Variants in STON2 observed in about 807,000 individuals in gnomAD.
STON2 encodes stonin 2.
In STON2, 29 loss-of-function variants were observed where a neutral mutation model predicts 65.7. The ratio of observed to expected loss-of-function variants is 0.44; its 90% CI spans 0.33 to 0.60. STON2 has a LOEUF of 0.60. Ranked by LOEUF, STON2 falls within the 20% of genes least tolerant of loss-of-function variation. STON2 has a pLI of 0.03. For missense variants in STON2, 1,054 were observed against 1,118.1 expected (o/e 0.94, Z 0.82); for synonymous variants, 404 against 414.2 (o/e 0.98, Z 0.30).
intron 5 of STON2, among the ~76,000 whole-genome samples, chr14:81,318,755 A>G (rs11626709): frequency 0.8 from 121,853 of 151,952 alleles, 49,040 homozygotes; most frequent in Non-Finnish European, 0.82. Flanking sequence ...GGGGTCTGAG[A>G]CACAATACTC....
intron 5 of STON2, among the ~76,000 whole-genome samples, chr14:81,304,955 C>T (rs1326185389): frequency 3.9e-5 from 6 of 152,012 alleles, no homozygotes; most frequent in African/African-American, 1.4e-4. Context: ...CCCTTTGTAC[C>T]CCCTTCCTAT....
At chr14:81,384,585 C>G (rs557401208) in intron 3 of STON2, among the ~76,000 whole-genome samples, 3 of 152,268 alleles carry the variant, frequency 2.0e-5, no homozygotes, top group Non-Finnish European at 2.9e-5. Context: ...TATGAACCCC[C>G]CTCCCTGTCC....
upstream of STON2, among the ~76,000 whole-genome samples, chr14:81,402,766 T>C (rs1016022414): frequency 3.0e-4 from 45 of 152,280 alleles, no homozygotes; most frequent in Middle Eastern, 3.4e-3. Context: ...ACGCAGACAG[T>C]TGCAAGTCTC....
In STON2 at chr14:81,261,781, C is replaced by A; in HGVS notation, c.*6633G>T. ...GGAGACCTGTCTGTGCCTCTTCATGCTCACACCATTGTTCTGATAGATGAT... is the reference window on the plus strand; with the variant it reads ...GGAGACCTGTCTGTGCCTCTTCATGATCACACCATTGTTCTGATAGATGAT... On this transcript the variant is annotated 3_prime_UTR_variant, in exon 8 of 8. Transcript: ENST00000614646. The A allele has an allele frequency of 6.6e-7, 1 of 1,517,220 alleles. No homozygotes were observed. Among genetic ancestry groups the A allele is most frequent in the Non-Finnish European group, 8.8e-7 (1 of 1,141,338 alleles). The allele number at this position is 1,517,220 out of a possible 1,614,324, so 94.0% of individuals were successfully genotyped here. A position where few individuals can be genotyped will look rare whatever the true frequency, so the allele number is the denominator to read the frequency against.
chr14:81,272,417 C>T (rs1290598599), intron 6 of STON2, among the ~76,000 whole-genome samples: 1 of 152,118 alleles, frequency 6.6e-6, no homozygotes, highest in Non-Finnish European at 1.5e-5. Flanking sequence ...ATGACCTTGC[C>T]TTAATTATGT....
intron 5 of STON2, among the ~76,000 whole-genome samples, chr14:81,308,781 CATATAT>C (rs57821672): frequency 5.1e-3 from 47 of 9,158 alleles, no homozygotes; most frequent in Admixed American, 9.9e-3. Context: ...TGGTTTTACC[CATATAT>C]ATATATATAT....
intron 3 of STON2, among the ~76,000 whole-genome samples, chr14:81,389,393 C>A (rs1311833620): frequency 2.0e-5 from 3 of 152,184 alleles, no homozygotes; most frequent in Non-Finnish European, 4.4e-5. Flanking sequence ...AATTCCATTT[C>A]ATTCTTGCGT....
intron 4 of STON2, among the ~76,000 whole-genome samples, chr14:81,362,508 T>G (rs1898539097): frequency 6.6e-6 from 1 of 152,114 alleles, no homozygotes; most frequent in South Asian, 2.1e-4. Flanking sequence ...TAGATGTTGG[T>G]TAAAGGGTAC....
intron 5 of STON2, among the ~76,000 whole-genome samples, chr14:81,296,469 A>G (rs1273335269): frequency 6.6e-6 from 1 of 151,984 alleles, no homozygotes; most frequent in Admixed American, 6.6e-5. Flanking sequence ...GCTGCCCTCC[A>G]CTCTAAAAAT....
At position 81,334,752 on chromosome 14, in the gene STON2, A is replaced by G. The variant is rs562645426; in HGVS notation, c.572-10565T>C. ...AGAAGGGTGACTGGGAAAGAGCAAG[A>G]CAGGGAAAGAGAAATGTCCTATCGT... On this transcript the variant is annotated intron_variant, in intron 4 of 7. Transcript: ENST00000614646. Among the ~76,000 whole-genome samples the G allele has an allele frequency of 2.0e-5, 3 of 152,308 alleles. No homozygotes were observed. The East Asian group carries it at 5.8e-4, about 29-fold the overall frequency.
At chr14:81,319,844 T>A (rs1449817219) in intron 5 of STON2, among the ~76,000 whole-genome samples, 1 of 152,140 alleles carries the variant, frequency 6.6e-6, no homozygotes, top group South Asian at 2.1e-4. Flanking sequence ...AACCCCTCCA[T>A]CCAGTGACTG....
intron 7 of STON2, 49 bp from the exon 8 acceptor site, chr14:81,268,546 C>T: frequency 7.8e-7 from 1 of 1,286,674 alleles, no homozygotes; most frequent in South Asian, 1.2e-5. Flanking sequence ...AGAGAAAAAG[C>T]ATGCAAATAA....
intron 3 of STON2, among the ~76,000 whole-genome samples, chr14:81,372,565 AAAG>A (rs532857835): frequency 1.6e-4 from 18 of 111,500 alleles, no homozygotes; most frequent in Non-Finnish European, 2.7e-4. Flanking sequence ...AAAAAAAAAA[AAAG>A]AAGAAGAAGA....
chr14:81,329,006 T>C (rs890552253), intron 4 of STON2, among the ~76,000 whole-genome samples: 1 of 152,146 alleles, frequency 6.6e-6, no homozygotes, highest in African/African-American at 2.4e-5. Flanking sequence ...TATCCCTCTA[T>C]AGCAACACAA....
chr14:81,388,470 C>G (rs1899928176), intron 3 of STON2, among the ~76,000 whole-genome samples: 1 of 152,124 alleles, frequency 6.6e-6, no homozygotes, highest in African/African-American at 2.4e-5. Flanking sequence ...TAAGTAGCAG[C>G]CAGGTCACTA....
rs1044099857 is a variant in STON2 at position 81,371,281 on chromosome 14, T to C, written c.374-96A>G. 12 of 1,168,564 alleles carry C rather than the reference T, an allele frequency of 1.0e-5. No homozygotes were observed. In the African/African-American group the frequency reaches 1.5e-4, roughly 15 times the overall value. 72.4% of individuals were successfully genotyped at this position (1,168,564 alleles called of 1,614,324 possible). On this transcript the variant is annotated intron_variant, in intron 3 of 7. Transcript: ENST00000614646. ...TTACTTTGATGTTGCTCACATCATA[T>C]GAAATCTCAACAGTCATATGAGGCA... is the stretch of plus-strand genomic sequence containing the variant.
intron 4 of STON2, among the ~76,000 whole-genome samples, chr14:81,363,735 T>C (rs529968812): frequency 9.2e-5 from 14 of 152,320 alleles, no homozygotes; most frequent in Non-Finnish European, 1.5e-4. Flanking sequence ...TTTTAAAAAT[T>C]AGTTAACTTG....
chr14:81,385,938 C>CG, intron 3 of STON2, among the ~76,000 whole-genome samples: 1 of 152,002 alleles, frequency 6.6e-6, no homozygotes, highest in South Asian at 2.1e-4. Flanking sequence ...AGGGTTCTGG[C>CG]CCCCCGCTGC....
chr14:81,262,245 A>T lies in STON2; in HGVS notation c.*6169T>A, dbSNP rs1482553413. The T allele has an allele frequency of 5.1e-6, 5 of 985,290 alleles. No individual in the cohort carries two copies. The highest frequency in any genetic ancestry group is 6.0e-6 in the Non-Finnish European group (5 of 829,930). 61.0% of individuals were successfully genotyped at this position (985,290 alleles called of 1,614,324 possible). ...CTATGTCCTGTAAAGATTCACAGAA[A>T]CCCCAATTTCCCCTTAATAAATCCA... On this transcript the variant is annotated 3_prime_UTR_variant, in exon 8 of 8. Transcript: ENST00000614646.
Sources: gnomAD v4.1 joint callset for allele counts (sites outside exome capture counted in the v4.1 genomes callset) on GRCh38, gnomAD v4.1.1 for gene constraint, MANE v1.5 for transcripts, NCBI Gene and HGNC (gene_info 2026-07-23, HGNC 2026-07-21) for gene names.